Variants in ARK2N observed in about 807,000 individuals in gnomAD.
ARK2N encodes the protein protein ARK2N.
chr18:46,231,099 A>G, the ARK2N span, among the ~76,000 whole-genome samples: 5 of 152,224 alleles, frequency 3.3e-5, no homozygotes, highest in Non-Finnish European at 1.5e-5. Flanking sequence ...ATTAAAATTG[A>G]GCATAATTTT....
At chr18:46,253,870 ATT>A in the ARK2N span, 1 of 1,536,454 alleles carries the variant, frequency 6.5e-7, no homozygotes, top group East Asian at 2.3e-5. Context: ...TATAAATTCT[ATT>A]TTAACCAGAA....
At chr18:46,177,616 T>C in the ARK2N span, among the ~76,000 whole-genome samples, 1 of 151,878 alleles carries the variant, frequency 6.6e-6, no homozygotes, top group Non-Finnish European at 1.5e-5. Context: ...TTAGTAGAGA[T>C]GTGGTTTCAC....
At chr18:46,261,235 C>T in the ARK2N span, among the ~76,000 whole-genome samples, 1 of 152,190 alleles carries the variant, frequency 6.6e-6, no homozygotes, top group African/African-American at 2.4e-5. Context: ...TTAATACACA[C>T]ATCTGTAAAG....
At chr18:46,193,758 C>T in the ARK2N span, among the ~76,000 whole-genome samples, 1 of 151,642 alleles carries the variant, frequency 6.6e-6, no homozygotes, top group Non-Finnish European at 1.5e-5. Context: ...GCCAACACGC[C>T]TGGCTGATTT....
the ARK2N span, among the ~76,000 whole-genome samples, chr18:46,250,696 C>CTTACTT: frequency 6.6e-6 from 1 of 152,148 alleles, no homozygotes; most frequent in African/African-American, 2.4e-5. Flanking sequence ...CACCCCTCTG[C>CTTACTT]TTACCCTCTG....
At chr18:46,236,446 G>T in the ARK2N span, among the ~76,000 whole-genome samples, 2 of 152,198 alleles carry the variant, frequency 1.3e-5, no homozygotes, top group Non-Finnish European at 2.9e-5. Flanking sequence ...ATTTAACACA[G>T]ATGTGTTACA....
chr18:46,264,567 T>A, the ARK2N span: 4 of 152,614 alleles, frequency 2.6e-5, no homozygotes, highest in African/African-American at 7.2e-5. Flanking sequence ...TTTTCAGTTT[T>A]CATTCAGCAA....
At chr18:46,225,359 C>A in the ARK2N span, among the ~76,000 whole-genome samples, 29 of 152,324 alleles carry the variant, frequency 1.9e-4, no homozygotes, top group African/African-American at 5.3e-4. Flanking sequence ...TATTACAGAA[C>A]AACCTTTGAA....
the ARK2N span, among the ~76,000 whole-genome samples, chr18:46,182,144 A>G: frequency 1.3e-5 from 2 of 152,230 alleles, no homozygotes; most frequent in East Asian, 1.9e-4. Flanking sequence ...TTTCTGTATT[A>G]AGAACAAAAA....
chr18:46,243,601 T>C, the ARK2N span, among the ~76,000 whole-genome samples: 1 of 152,188 alleles, frequency 6.6e-6, no homozygotes, highest in Non-Finnish European at 1.5e-5. Flanking sequence ...AAGTCGAAAT[T>C]AGAGAAGCTA....
At chr18:46,212,018 C>T in the ARK2N span, among the ~76,000 whole-genome samples, 1 of 152,158 alleles carries the variant, frequency 6.6e-6, no homozygotes, top group East Asian at 1.9e-4. Flanking sequence ...GACATCATTT[C>T]CCCCTGTGGT....
At chr18:46,195,811 A>G in the ARK2N span, among the ~76,000 whole-genome samples, 2 of 151,732 alleles carry the variant, frequency 1.3e-5, no homozygotes. Flanking sequence ...CCTGACCTCA[A>G]GTGATCTACC....
At chr18:46,264,295 T>G in the ARK2N span, 1 of 152,666 alleles carries the variant, frequency 6.6e-6, no homozygotes, top group Non-Finnish European at 1.5e-5. Context: ...TTTTGTGGCA[T>G]TAGTTACTAC....
At chr18:46,257,226 G>A in the ARK2N span, among the ~76,000 whole-genome samples, 3 of 152,244 alleles carry the variant, frequency 2.0e-5, no homozygotes, top group South Asian at 2.1e-4. Flanking sequence ...CTCTGGAATT[G>A]TGGCTGCCCT....
At chr18:46,206,848 C>T in the ARK2N span, among the ~76,000 whole-genome samples, 2 of 152,078 alleles carry the variant, frequency 1.3e-5, no homozygotes, top group Non-Finnish European at 2.9e-5. Flanking sequence ...ATAATCACAG[C>T]TCACTGCGGT....
At chr18:46,200,990 T>C in the ARK2N span, among the ~76,000 whole-genome samples, 28 of 141,538 alleles carry the variant, frequency 2.0e-4, no homozygotes, top group African/African-American at 8.2e-4. Flanking sequence ...TTTTTTTTTT[T>C]TTTTTTTGAG....
At chr18:46,196,735 A>G in the ARK2N span, among the ~76,000 whole-genome samples, 2 of 152,236 alleles carry the variant, frequency 1.3e-5, no homozygotes, top group Non-Finnish European at 2.9e-5. Flanking sequence ...TTGGTCAATT[A>G]TGACTTTATG....
At chr18:46,200,678 A>G in the ARK2N span, among the ~76,000 whole-genome samples, 1 of 152,218 alleles carries the variant, frequency 6.6e-6, no homozygotes, top group Non-Finnish European at 1.5e-5. Flanking sequence ...AGCAGTATCC[A>G]TGAAGTGGCT....
the ARK2N span, among the ~76,000 whole-genome samples, chr18:46,208,198 T>G: frequency 2.6e-5 from 4 of 152,212 alleles, no homozygotes; most frequent in African/African-American, 9.6e-5. Flanking sequence ...TTCCTAGTAC[T>G]GTTTCACACC....
Sources: allele counts gnomAD v4.1 joint callset (sites outside exome capture counted in the v4.1 genomes callset), GRCh38; gene constraint gnomAD v4.1.1; transcripts MANE v1.5; gene names NCBI Gene and HGNC (gene_info 2026-07-23, HGNC 2026-07-21).